Variants in CCDC88A observed in about 807,000 individuals in gnomAD.
CCDC88A encodes coiled-coil and HOOK domain protein 88A.
Under a neutral mutation model 234.3 loss-of-function variants are expected in CCDC88A, and 54 were observed. The ratio of observed to expected loss-of-function variants is 0.23; its 90% confidence interval spans 0.19 to 0.29. The LOEUF is 0.29. Among genes scored for constraint, CCDC88A ranks in the 10% least tolerant of loss-of-function variants. CCDC88A has a pLI of 1.00. For missense variants in CCDC88A, 1,832 were observed against 2,123.4 expected (o/e 0.86, Z 2.70); for synonymous variants, 753 against 737.8 (o/e 1.02, Z -0.33).
At chr2:55,352,570 AATAAGTCTTTT>A (rs1670029437) in intron 8 of CCDC88A, among the ~76,000 whole-genome samples, 1 of 152,182 alleles carries the variant, frequency 6.6e-6, no homozygotes, top group Non-Finnish European at 1.5e-5. Flanking sequence ...ATTATATCTC[AATAAGTCTTTT>A]ATTTTTTTGA....
At chr2:55,399,355 T>A (rs183196312) in intron 2 of CCDC88A, among the ~76,000 whole-genome samples, 4 of 151,658 alleles carry the variant, frequency 2.6e-5, no homozygotes, top group African/African-American at 9.7e-5. Flanking sequence ...TGAAACCCCG[T>A]CTCTACTAAA....
intron 17 of CCDC88A, among the ~76,000 whole-genome samples, chr2:55,327,429 A>T (rs2104663179): frequency 6.6e-6 from 1 of 152,308 alleles, no homozygotes; most frequent in East Asian, 1.9e-4. Flanking sequence ...GAGTATACGG[A>T]TTCAAAGCCA....
intron 2 of CCDC88A, among the ~76,000 whole-genome samples, chr2:55,389,464 C>T (rs1676225553): frequency 6.6e-6 from 1 of 152,180 alleles, no homozygotes; most frequent in African/African-American, 2.4e-5. Context: ...GAAATTGCGG[C>T]ACCTCCACAC....
At chr2:55,369,173 T>A (rs1395065740) in intron 5 of CCDC88A, among the ~76,000 whole-genome samples, 2 of 152,046 alleles carry the variant, frequency 1.3e-5, no homozygotes, top group Non-Finnish European at 2.9e-5. Context: ...TAGCTGGGAT[T>A]ACAGATGCCC....
chr2:55,379,818 C>A (rs1423310839), intron 3 of CCDC88A, among the ~76,000 whole-genome samples: 2 of 152,102 alleles, frequency 1.3e-5, no homozygotes, highest in African/African-American at 4.8e-5. Flanking sequence ...GAGGCTGAGG[C>A]AGGAGAATTG....
In CCDC88A at chr2:55,288,525, G is replaced by C. The variant is rs1378023588; in HGVS notation, c.*2675C>G. On this transcript the variant is annotated 3_prime_UTR_variant, in exon 33 of 33. Transcript: ENST00000436346. ...CACAGGCTGTAGTACTTCATTGTGA[G>C]GTGGCTACAACTCTATAATATGCAC... 1 of 152,636 alleles carries C rather than the reference G, an allele frequency of 6.6e-6. No individual in the cohort carries two copies. The highest frequency in any genetic ancestry group is 1.5e-5 in the Non-Finnish European group (1 of 68,034). The allele number at this position is 152,636 out of a possible 1,614,324, so 9.5% of individuals were successfully genotyped here.
At chr2:55,389,305 A>C (rs1350326046) in intron 2 of CCDC88A, among the ~76,000 whole-genome samples, 1 of 152,248 alleles carries the variant, frequency 6.6e-6, no homozygotes, top group Non-Finnish European at 1.5e-5. Flanking sequence ...GCAATGTCCC[A>C]GAGAAATTCA....
intron 18 of CCDC88A, chr2:55,321,005 G>A (rs1487415039): frequency 2.0e-5 from 3 of 152,322 alleles, no homozygotes; most frequent in African/African-American, 7.2e-5. Flanking sequence ...AGCTAGTTGG[G>A]AGGCTGAGGC....
intron 3 of CCDC88A, among the ~76,000 whole-genome samples, chr2:55,382,789 G>T (rs1674808798): frequency 6.6e-6 from 1 of 152,124 alleles, no homozygotes; most frequent in Non-Finnish European, 1.5e-5. Context: ...TAAACTTTCT[G>T]ATAATCTAAT....
Position 55,295,611 on chromosome 2 carries a change from G to T in CCDC88A, c.5537C>A (p.Thr1846Asn). 6.2e-7 allele frequency: 1 copy of T among 1,614,134 alleles called. No individual in the cohort carries two copies. The highest frequency in any genetic ancestry group is 1.6e-4 in the Middle Eastern group (1 of 6,062). ...ATGGTACTCACTAGATGCTGCAGTG[G>T]TGTTGCTGTCAGCAGCAGCTGGTGG... The part of the protein sequence containing the change: ...DSPPAAADSN[T>N]TAASNVDKVQ... The change falls in exon 31 of 33, where the codon ACC (threonine) becomes AAC (asparagine). Residue 1846 changes from threonine to asparagine, a missense_variant. By Grantham distance (65) the Thr-to-Asn change is moderately conservative. Coordinates refer to ENST00000436346, the MANE Select transcript of CCDC88A (RefSeq NM_001365480.1).
At chr2:55,355,875 C>A in intron 7 of CCDC88A, 124 bp from the exon 8 acceptor site, 1 of 666,158 alleles carries the variant, frequency 1.5e-6, no homozygotes, top group Non-Finnish European at 2.5e-6. Context: ...TCAAAAACAT[C>A]TTAACTATCA....
Position 55,302,085 on chromosome 2 carries a change from T to C in CCDC88A, c.4472-13A>G, listed in dbSNP as rs1558631581. On this transcript the variant is annotated splice_polypyrimidine_tract_variant and intron_variant, in intron 26 of 32. Coordinates refer to ENST00000436346, the MANE Select transcript of CCDC88A (RefSeq NM_001365480.1). ...AGGTCATTCATGGCTGGGATGCAAA[T>C]GAAAGCAAATGAATCAGCATGGTTA... The C allele has an allele frequency of 1.3e-6, 2 of 1,587,688 alleles. No individual in the cohort carries two copies. The highest frequency in any genetic ancestry group is 4.5e-5 in the East Asian group (2 of 44,756).
At chr2:55,337,535 T>C (rs943389436) in intron 13 of CCDC88A, 2 of 152,214 alleles carry the variant, frequency 1.3e-5, no homozygotes, top group East Asian at 1.9e-4. Context: ...TAAATTCTTA[T>C]GTCAATAATG....
At chr2:55,310,416 T>C (rs899421459) in intron 23 of CCDC88A, among the ~76,000 whole-genome samples, 2 of 152,064 alleles carry the variant, frequency 1.3e-5, no homozygotes, top group Admixed American at 1.3e-4. Context: ...ACTCTGTTTT[T>C]ACAAAAAATA....
intron 28 of CCDC88A, chr2:55,300,199 T>C (rs1213533342): frequency 5.8e-6 from 2 of 343,072 alleles, no homozygotes; most frequent in African/African-American, 2.1e-5. Flanking sequence ...TTTAGTTAAA[T>C]AGAATGACAT....
At chr2:55,305,068 G>A (rs953647990) in intron 25 of CCDC88A, among the ~76,000 whole-genome samples, 1 of 152,108 alleles carries the variant, frequency 6.6e-6, no homozygotes. Context: ...AAACACAGCT[G>A]TTTTCAATGA....
chr2:55,399,848 A>G (rs1678310994), intron 2 of CCDC88A: 1 of 45,604 alleles, frequency 2.2e-5, no homozygotes, highest in Admixed American at 4.2e-4. Context: ...AGAAAACAGT[A>G]TTAAAAATTT....
intron 3 of CCDC88A, among the ~76,000 whole-genome samples, chr2:55,375,501 A>G (rs1376878729): frequency 2.0e-4 from 5 of 24,658 alleles, no homozygotes; most frequent in Non-Finnish European, 4.1e-4. Flanking sequence ...ATATATATAT[A>G]TATATATATA....
rs982084608 is a variant in CCDC88A, at chr2:55,380,325, A to G, written c.274-5442T>C. 4.3e-4 allele frequency among the ~76,000 whole-genome samples: 66 copies of G among 152,108 alleles called. 1 individual carries two copies. The highest frequency in any genetic ancestry group is 4.3e-3 in the Admixed American group (65 of 15,264). ...GAGGAGAACGTTAAAATTTTTAAAGATATGCAAGTATTCAAATATAGAGAT... is the reference window on the plus strand; with the variant it reads ...GAGGAGAACGTTAAAATTTTTAAAGGTATGCAAGTATTCAAATATAGAGAT... On this transcript the variant is annotated intron_variant, in intron 3 of 32. Coordinates refer to ENST00000436346, the MANE Select transcript of CCDC88A (RefSeq NM_001365480.1).
Sources: gnomAD v4.1 joint callset for allele counts (sites outside exome capture counted in the v4.1 genomes callset) on GRCh38, gnomAD v4.1.1 for gene constraint, MANE v1.5 for transcripts, NCBI Gene and HGNC (gene_info 2026-07-23, HGNC 2026-07-21) for gene names.